The following SMYD3 variants were observed in gnomAD, a reference collection of about 807,000 sequenced individuals.
SMYD3 encodes SET and MYND domain containing 3.
Under a neutral mutation model 57.7 loss-of-function variants are expected in SMYD3, and 36 were observed. The ratio of observed to expected loss-of-function variants is 0.62; its 90% CI spans 0.48 to 0.82. The LOEUF is 0.82. Ranked by LOEUF, SMYD3 falls within the 40% of genes least tolerant of loss-of-function variation. The pLI, the probability that SMYD3 is intolerant of heterozygous loss-of-function variation, is 0.00. For synonymous variants in SMYD3, 211 were observed against 195.0 expected (o/e 1.08, Z -0.68); for missense variants, 515 against 538.8 (o/e 0.96, Z 0.44).
chr1:245,836,957 G>A (rs1436044837), intron 10 of SMYD3, among the ~76,000 whole-genome samples: 4 of 152,216 alleles, frequency 2.6e-5, no homozygotes, highest in Non-Finnish European at 5.9e-5. Context: ...TTTTTCAGGA[G>A]TGGGGATGAT....
intron 10 of SMYD3, among the ~76,000 whole-genome samples, chr1:245,808,082 C>A (rs1450672671): frequency 6.6e-6 from 1 of 152,126 alleles, no homozygotes; most frequent in Non-Finnish European, 1.5e-5. Context: ...CCAGGACGGC[C>A]CCCAGCAATA....
At chr1:246,058,320 G>A (rs1330539816) in intron 5 of SMYD3, among the ~76,000 whole-genome samples, 1 of 152,148 alleles carries the variant, frequency 6.6e-6, no homozygotes, top group East Asian at 1.9e-4. Context: ...TGTGTTTTGT[G>A]TTGGAGGTGG....
intron 1 of SMYD3, among the ~76,000 whole-genome samples, chr1:246,421,195 A>G (rs1183386194): frequency 6.6e-6 from 1 of 152,178 alleles, no homozygotes; most frequent in Non-Finnish European, 1.5e-5. Flanking sequence ...ATATCTACTA[A>G]CATTATATTA....
chr1:246,166,490 A>C (rs1257034969), intron 5 of SMYD3, among the ~76,000 whole-genome samples: 1 of 152,144 alleles, frequency 6.6e-6, no homozygotes, highest in African/African-American at 2.4e-5. Flanking sequence ...CCAAAATGTA[A>C]GCCCTTTATT....
intron 5 of SMYD3, among the ~76,000 whole-genome samples, chr1:246,036,545 T>C (rs2059775774): frequency 6.6e-6 from 1 of 151,068 alleles, no homozygotes; most frequent in Admixed American, 6.6e-5. Flanking sequence ...CTCTCTTTTT[T>C]TTTTTTTTGT....
Position 246,267,621 on chromosome 1 carries a change from T to C in SMYD3, c.531+59580A>G, listed in dbSNP as rs2064133939. Among the ~76,000 whole-genome samples, 3 of 152,254 alleles carry C rather than the reference T, an allele frequency of 2.0e-5. No individual in the cohort carries two copies. The South Asian group carries it at 6.2e-4, about 31-fold the overall frequency. On this transcript the variant is annotated intron_variant, in intron 5 of 11. Transcript: ENST00000490107. Reference sequence around the variant, plus strand: ...TTAGAATTCCTCCTCCTCTCCTGTCTGCCTGTTGAAATCCTGTCATTCTTT... The same window carrying C: ...TTAGAATTCCTCCTCCTCTCCTGTCCGCCTGTTGAAATCCTGTCATTCTTT...
At chr1:246,445,533 T>C (rs1039937315) in intron 1 of SMYD3, among the ~76,000 whole-genome samples, 1 of 152,232 alleles carries the variant, frequency 6.6e-6, no homozygotes, top group African/African-American at 2.4e-5. Context: ...TTTTTATAGA[T>C]ACTCTCAAAT....
chr1:246,502,291 C>T (rs2068468460), intron 1 of SMYD3, among the ~76,000 whole-genome samples: 1 of 151,890 alleles, frequency 6.6e-6, no homozygotes, highest in Non-Finnish European at 1.5e-5. Context: ...GGCATGCACC[C>T]AGGTAATTAT....
chr1:246,327,683 C>T (rs1411581979), intron 4 of SMYD3, among the ~76,000 whole-genome samples: 1 of 152,170 alleles, frequency 6.6e-6, no homozygotes, highest in African/African-American at 2.4e-5. Flanking sequence ...CTTATTAAGT[C>T]AGTAAACTTA....
chr1:246,168,643 T>C (rs1319241660), intron 5 of SMYD3, among the ~76,000 whole-genome samples: 1 of 152,186 alleles, frequency 6.6e-6, no homozygotes, highest in Non-Finnish European at 1.5e-5. Flanking sequence ...ATGATTCTTT[T>C]TCTTTGTGAG....
chr1:245,924,879 G>A (rs2056260603), intron 7 of SMYD3, among the ~76,000 whole-genome samples: 3 of 151,948 alleles, frequency 2.0e-5, no homozygotes, highest in Admixed American at 2.0e-4. Context: ...GGCCAGGCTG[G>A]ATGCAAACTC....
chr1:245,836,708 G>A lies in SMYD3; in HGVS notation c.1076+21788C>T, dbSNP rs2050123300. ...AGTAGAACTCAGAGAGCACTCACTG[G>A]CAGCAGGGGACTGGTCCTACACTCA... is the stretch of plus-strand genomic sequence containing the variant. On this transcript the variant is annotated intron_variant, in intron 10 of 11. Transcript: ENST00000490107. 6.6e-5 allele frequency among the ~76,000 whole-genome samples: 10 copies of A among 152,212 alleles called. No homozygotes were observed. In the South Asian group the frequency reaches 2.1e-3, roughly 31 times the overall value.
At chr1:245,773,697 G>A (rs936076398) in intron 10 of SMYD3, among the ~76,000 whole-genome samples, 2 of 152,164 alleles carry the variant, frequency 1.3e-5, no homozygotes, top group African/African-American at 2.4e-5. Context: ...ATGACATCTT[G>A]AAGGATTTCA....
intron 5 of SMYD3, among the ~76,000 whole-genome samples, chr1:245,954,991 C>T (rs968649471): frequency 6.6e-6 from 1 of 152,166 alleles, no homozygotes; most frequent in African/African-American, 2.4e-5. Context: ...ACATCAAACG[C>T]CCCCTATAAT....
At chr1:245,807,675 T>C (rs1460229159) in intron 10 of SMYD3, among the ~76,000 whole-genome samples, 1 of 152,088 alleles carries the variant, frequency 6.6e-6, no homozygotes, top group Non-Finnish European at 1.5e-5. Context: ...TCACCATTAA[T>C]AACAAAACAA....
At chr1:246,144,750 A>G (rs1054028135) in intron 5 of SMYD3, among the ~76,000 whole-genome samples, 2 of 152,196 alleles carry the variant, frequency 1.3e-5, no homozygotes, top group Admixed American at 6.5e-5. Context: ...AATAACCTTC[A>G]TAAACAAGAC....
In SMYD3 at chr1:246,410,836, C is replaced by G. The variant is rs1018793142; in HGVS notation, c.165-55742G>C. ...TGGTTGGTAAGCTATTAATTATTGCCTCAATTTCAGAGCCTGTTATTGGTC... is the reference window on the plus strand; with the variant it reads ...TGGTTGGTAAGCTATTAATTATTGCGTCAATTTCAGAGCCTGTTATTGGTC... On this transcript the variant is annotated intron_variant, in intron 1 of 11. Coordinates refer to ENST00000490107, the MANE Select transcript of SMYD3 (RefSeq NM_001167740.2). 1.4e-4 allele frequency among the ~76,000 whole-genome samples: 22 copies of G among 152,226 alleles called. No homozygotes were observed. In the South Asian group the frequency reaches 1.5e-3, roughly 10 times the overall value.
chr1:245,853,107 A>C (rs950584336), intron 10 of SMYD3, among the ~76,000 whole-genome samples: 1 of 152,260 alleles, frequency 6.6e-6, no homozygotes, highest in African/African-American at 2.4e-5. Context: ...ATAATTCTCT[A>C]AATCTCATCA....
At chr1:245,839,844 A>AT (rs897566347) in intron 10 of SMYD3, among the ~76,000 whole-genome samples, 2 of 152,148 alleles carry the variant, frequency 1.3e-5, no homozygotes, top group Admixed American at 6.5e-5. Context: ...AAAAAAAACA[A>AT]TTTTTTAAAT....
Sources: gnomAD v4.1 joint callset for allele counts (sites outside exome capture counted in the v4.1 genomes callset) on GRCh38, gnomAD v4.1.1 for gene constraint, MANE v1.5 for transcripts, NCBI Gene and HGNC (gene_info 2026-07-23, HGNC 2026-07-21) for gene names.